Variants in ABLIM1 observed in about 807,000 individuals in gnomAD.
The protein encoded by ABLIM1 is actin binding LIM protein 1.
In ABLIM1, 40 loss-of-function variants were observed where a neutral mutation model predicts 107.0. The observed-to-expected ratio is 0.37, with a 90% CI of 0.29 to 0.49. The LOEUF (loss-of-function observed/expected upper bound fraction) is 0.49, where lower values mean the gene tolerates loss of function less well. Ranked by LOEUF, ABLIM1 falls within the 20% of genes least tolerant of loss-of-function variation. The pLI is 0.97. For synonymous variants in ABLIM1, 357 were observed against 357.3 expected, an observed-to-expected ratio of 1.00 and a Z score of 0.01; for missense variants, 857 against 1,008.5, an observed-to-expected ratio of 0.85 and a Z score of 2.04.
chr10:114,477,488 AT>A (rs1182956399), intron 8 of ABLIM1, among the ~76,000 whole-genome samples: 2 of 152,056 alleles, frequency 1.3e-5, no homozygotes, highest in Admixed American at 1.3e-4. Flanking sequence ...ACTCATCCTT[AT>A]TTTTGCCAAG....
At chr10:114,663,764 C>T (rs2079891814) in intron 1 of ABLIM1, among the ~76,000 whole-genome samples, 1 of 152,188 alleles carries the variant, frequency 6.6e-6, no homozygotes, top group Admixed American at 6.5e-5. Flanking sequence ...AATTAGGAGA[C>T]AGGCTGTCCT....
chr10:114,683,681 G>A (rs1416591937), intron 1 of ABLIM1, among the ~76,000 whole-genome samples: 3 of 152,168 alleles, frequency 2.0e-5, no homozygotes, highest in Non-Finnish European at 2.9e-5. Context: ...CTTATCTTAA[G>A]GGGTCCAGTA....
Position 114,707,720 on chromosome 10 carries a change from T to C in ABLIM1, c.-213+60341A>G, listed in dbSNP as rs1006064441. On this transcript the variant is annotated intron_variant, in intron 1 of 15. Coordinates refer to the ABLIM1 transcript ENST00000651092. This position sits in a 1 kb window ranked among gnomAD's most constrained non-coding sequence, Gnocchi z 4.1. ...TTCGAGACCAACCTGGACAACATGG[T>C]GAAAACACGGTCTCTACTAAAAATA... is the stretch of plus-strand genomic sequence containing the variant. 6.6e-6 allele frequency among the ~76,000 whole-genome samples: 1 copy of C among 151,848 alleles called. No homozygotes were observed. Among genetic ancestry groups the C allele is most frequent in the African/African-American group, 2.4e-5 (1 of 41,358 alleles).
At chr10:114,649,651 C>G (rs889464317) in intron 1 of ABLIM1, among the ~76,000 whole-genome samples, 3 of 152,082 alleles carry the variant, frequency 2.0e-5, no homozygotes, top group South Asian at 4.2e-4. Flanking sequence ...CACGCCCTAA[C>G]AAACAGCACA....
intron 15 of ABLIM1, among the ~76,000 whole-genome samples, chr10:114,446,913 TACACA>T (rs2061099743): frequency 6.6e-6 from 1 of 152,236 alleles, no homozygotes; most frequent in Admixed American, 6.5e-5. Context: ...TAATATAATG[TACACA>T]ACACTTGTGA....
At chr10:114,464,203 T>G (rs1309789611) in intron 12 of ABLIM1, among the ~76,000 whole-genome samples, 1 of 150,828 alleles carries the variant, frequency 6.6e-6, no homozygotes, top group Non-Finnish European at 1.5e-5. Context: ...TTTTTTTTTT[T>G]GAGATGGAGT....
chr10:114,465,745 C>T lies in ABLIM1; in HGVS notation c.1394G>A (p.Ser465Asn), dbSNP rs1054747980. Residue 465 changes from serine (S) to asparagine (N), a missense_variant, in exon 12 of 23, where the codon AGC (serine) becomes AAC (asparagine). Physicochemically the swap from Ser to Asn is conservative, Grantham distance 46 (BLOSUM62 1). This residue lies in a region of ABLIM1 where 381 missense variants were observed against 506.9 expected (regional missense o/e 0.75). Transcript: ENST00000533213. ...SINSPVYSRH[S>N]YTPTTSRSPQ... ...AGAGCGGGACGTGGTTGGAGTGTAG[C>T]TGTGGCGGCTGTACACAGGGGAGTT... The T allele has an allele frequency of 2.5e-6, 4 of 1,613,846 alleles. No individual in the cohort carries two copies. The highest frequency in any genetic ancestry group is 3.4e-6 in the Non-Finnish European group (4 of 1,179,886).
chr10:114,714,839 TTATAA>T (rs1330716462), intron 1 of ABLIM1, among the ~76,000 whole-genome samples: 3 of 152,202 alleles, frequency 2.0e-5, no homozygotes, highest in Non-Finnish European at 4.4e-5. Flanking sequence ...ACATATATTC[TTATAA>T]TATATCTAGA....
intron 10 of ABLIM1, among the ~76,000 whole-genome samples, chr10:114,469,666 C>T (rs2066061672): frequency 6.6e-6 from 1 of 152,218 alleles, no homozygotes; most frequent in African/African-American, 2.4e-5. Context: ...ATATCTGTTT[C>T]TTTACTGTCT....
At chr10:114,502,231 G>C (rs947161369) in intron 6 of ABLIM1, 1 of 173,538 alleles carries the variant, frequency 5.8e-6, no homozygotes, top group African/African-American at 2.4e-5. Flanking sequence ...ATACAACACA[G>C]TCTGGAGGGT....
intron 7 of ABLIM1, among the ~76,000 whole-genome samples, chr10:114,490,151 C>T (rs990983502): frequency 6.6e-6 from 1 of 152,182 alleles, no homozygotes; most frequent in African/African-American, 2.4e-5. Context: ...CAAAGTGACA[C>T]CTGCCTATTG....
chr10:114,763,326 C>A (rs765488714), intron 1 of ABLIM1, among the ~76,000 whole-genome samples: 1 of 151,910 alleles, frequency 6.6e-6, no homozygotes, highest in Non-Finnish European at 1.5e-5. Context: ...TTTAAACATA[C>A]TGTATTAATT....
intron 1 of ABLIM1, 82 bp from the exon 2 acceptor site, chr10:114,602,043 G>T: frequency 6.4e-7 from 1 of 1,566,160 alleles, no homozygotes; most frequent in East Asian, 2.3e-5. Context: ...TGTAATTTTG[G>T]TGTCAAATGA....
rs866493214 is a variant in ABLIM1, at chr10:114,583,448, C to A, written c.380-7849G>T. 2.6e-5 allele frequency among the ~76,000 whole-genome samples: 2 copies of A among 75,706 alleles called. 1 individual carries two copies. The highest frequency in any genetic ancestry group is 4.5e-5 in the Non-Finnish European group (2 of 44,034). The allele number at this position is 75,706 out of a possible 152,430, so 49.7% of individuals were successfully genotyped here. ...ACACACACACACACACACACACACACACACACACACACACACACACATATA... is the reference window on the plus strand; with the variant it reads ...ACACACACACACACACACACACACAAACACACACACACACACACACATATA... On this transcript the variant is annotated intron_variant, in intron 2 of 22. Transcript: ENST00000533213.
At chr10:114,788,338 AAAAAAAAAAATAAAT>A in the ABLIM1 span, among the ~76,000 whole-genome samples, 1 of 130,000 alleles carries the variant, frequency 7.7e-6, no homozygotes, top group African/African-American at 3.5e-5. Context: ...AAAAAATAAA[AAAAAAAAAAATAAAT>A]AAATAAATAA....
chr10:114,608,923 G>A (rs1487011507), intron 1 of ABLIM1, among the ~76,000 whole-genome samples: 1 of 151,664 alleles, frequency 6.6e-6, no homozygotes, highest in African/African-American at 2.4e-5. Flanking sequence ...GCTGAGACAG[G>A]AGAATCGCTT....
chr10:114,776,639 A>G, the ABLIM1 span, among the ~76,000 whole-genome samples: 711 of 152,240 alleles, frequency 4.7e-3, 10 homozygotes, highest in African/African-American at 0.016. Flanking sequence ...GGATTTTTAT[A>G]ATACAGTCAC....
At position 114,554,555 on chromosome 10, in the gene ABLIM1, G is replaced by A. The variant is rs140342115; in HGVS notation, c.674-6779C>T. 7.3e-4 allele frequency among the ~76,000 whole-genome samples: 111 copies of A among 152,290 alleles called. No individual in the cohort carries two copies. The East Asian group carries it at 0.016, about 21-fold the overall frequency. On this transcript the variant is annotated intron_variant, in intron 4 of 22. Transcript: ENST00000533213. ...TCTACAGAAAATAGAATAGCGAGGC[G>A]TGGCAGCGCTAGGACTGCAAGTCCT...
chr10:114,621,385 T>G (rs1377578903), intron 1 of ABLIM1, among the ~76,000 whole-genome samples: 1 of 152,182 alleles, frequency 6.6e-6, no homozygotes, highest in Non-Finnish European at 1.5e-5. Context: ...TATCTCATAT[T>G]AGAGTCTAAA....
Sources: allele counts gnomAD v4.1 joint callset (sites outside exome capture counted in the v4.1 genomes callset), GRCh38; gene constraint gnomAD v4.1.1; regional missense constraint gnomAD v4.1.1; non-coding constraint Gnocchi (gnomAD v3.1); transcripts MANE v1.5; gene names NCBI Gene and HGNC (gene_info 2026-07-23, HGNC 2026-07-21).